The following CLASP1 variants were observed in gnomAD, a reference collection of about 807,000 sequenced individuals.
CLASP1 encodes the protein cytoplasmic linker associated protein 1, also known as CLIP-associating protein 1.
Under a neutral mutation model 192.3 loss-of-function variants are expected in CLASP1, and 38 were observed. That is an observed-to-expected ratio of 0.20 (90% CI 0.15 to 0.26). CLASP1 has a LOEUF of 0.26. Among genes scored for constraint, CLASP1 ranks in the 10% least tolerant of loss-of-function variants. The probability of loss-of-function intolerance (pLI) is 1.00; values close to 1 mark genes in which losing one functional copy is unlikely to be tolerated. For synonymous variants in CLASP1, 691 were observed against 712.8 expected, an observed-to-expected ratio of 0.97 and a Z score of 0.49; for missense variants, 1,433 against 1,932.5, an observed-to-expected ratio of 0.74 and a Z score of 4.85.
At chr2:121,340,918 C>T (rs747417346) in exon 40 of CLASP1, 7 of 1,610,196 alleles carry the variant, frequency 4.3e-6, no homozygotes, top group Non-Finnish European at 5.9e-6. Flanking sequence ...TGGTCTGGGC[C>T]CTCTTTATGT....
intron 6 of CLASP1, among the ~76,000 whole-genome samples, chr2:121,519,901 C>T (rs1453121732): frequency 6.6e-6 from 1 of 152,222 alleles, no homozygotes; most frequent in Non-Finnish European, 1.5e-5. Flanking sequence ...TTCACTTCTA[C>T]ACAGGCTCTC....
intron 25 of CLASP1, among the ~76,000 whole-genome samples, chr2:121,404,908 C>T (rs2076692265): frequency 6.6e-6 from 1 of 152,150 alleles, no homozygotes; most frequent in Non-Finnish European, 1.5e-5. Context: ...AAAAGCATGT[C>T]TATCCTGCAT....
intron 1 of CLASP1, among the ~76,000 whole-genome samples, chr2:121,618,999 C>T (rs1403370147): frequency 2.0e-5 from 3 of 152,162 alleles, no homozygotes; most frequent in African/African-American, 7.2e-5. Context: ...TCATTAAAAG[C>T]TGGAATTACT....
chr2:121,419,717 T>C (rs950826189), intron 22 of CLASP1, among the ~76,000 whole-genome samples: 2 of 151,610 alleles, frequency 1.3e-5, no homozygotes, highest in Non-Finnish European at 2.9e-5. Context: ...TCTGAGAAAA[T>C]GGAAATACAT....
intron 1 of CLASP1, among the ~76,000 whole-genome samples, chr2:121,640,421 A>G (rs1223063360): frequency 6.6e-6 from 1 of 152,226 alleles, no homozygotes; most frequent in Admixed American, 6.5e-5. Context: ...TTTTACTACA[A>G]TAAAACACTT....
At chr2:121,525,335 G>A (rs2094549992) in intron 6 of CLASP1, among the ~76,000 whole-genome samples, 1 of 152,112 alleles carries the variant, frequency 6.6e-6, no homozygotes, top group African/African-American at 2.4e-5. Flanking sequence ...TGTTAATTTA[G>A]GTAAAGTCTG....
At chr2:121,623,660 C>A (rs2067784943) in intron 1 of CLASP1, among the ~76,000 whole-genome samples, 1 of 152,140 alleles carries the variant, frequency 6.6e-6, no homozygotes, top group Non-Finnish European at 1.5e-5. Context: ...TCATCTGGAC[C>A]TAAGCTTTTT....
chr2:121,343,249 TG>T (rs1415836829), intron 39 of CLASP1, among the ~76,000 whole-genome samples: 1 of 152,146 alleles, frequency 6.6e-6, no homozygotes, highest in Admixed American at 6.5e-5. Flanking sequence ...TAACAAGTGT[TG>T]GTGAGGATGT....
intron 7 of CLASP1, among the ~76,000 whole-genome samples, chr2:121,510,891 G>C (rs569133190): frequency 1.3e-5 from 2 of 152,188 alleles, no homozygotes; most frequent in Admixed American, 6.5e-5. Context: ...AAAAGGCCTA[G>C]TCTCCAAGAA....
rs72969391 is a variant in CLASP1, at chr2:121,531,065, T to C, written c.196-740A>G. ...AAACAGCAGTAATTCGTAAATAAAC[T>C]AGTACTTTGTGGTTAAACCAGTAGA... On this transcript the variant is annotated intron_variant, in intron 2 of 39. Transcript: ENST00000263710. 0.045 allele frequency: 31,456 copies of C among 692,598 alleles called. 925 individuals are homozygous for C. The highest frequency in any genetic ancestry group is 0.12 in the East Asian group (4,412 of 37,094). 42.9% of individuals were successfully genotyped at this position (692,598 alleles called of 1,614,324 possible). A position where few individuals can be genotyped will look rare whatever the true frequency, so the allele number is the denominator to read the frequency against.
intron 2 of CLASP1, among the ~76,000 whole-genome samples, chr2:121,585,136 G>T (rs1253880224): frequency 1.3e-5 from 2 of 152,166 alleles, no homozygotes; most frequent in Non-Finnish European, 2.9e-5. Context: ...AGCTAGTGAC[G>T]GAAGGTCTAA....
At chr2:121,462,228 T>C (rs2088201341) in intron 10 of CLASP1, among the ~76,000 whole-genome samples, 1 of 151,450 alleles carries the variant, frequency 6.6e-6, no homozygotes, top group African/African-American at 2.4e-5. Flanking sequence ...AAAAAAAAAA[T>C]CCCTAAATAA....
chr2:121,630,822 T>C (rs1488239854), intron 1 of CLASP1, among the ~76,000 whole-genome samples: 2 of 141,750 alleles, frequency 1.4e-5, no homozygotes, highest in East Asian at 2.1e-4. Context: ...ATCTAGCCAT[T>C]GCACTCCAGC....
intron 37 of CLASP1, among the ~76,000 whole-genome samples, chr2:121,351,635 T>C (rs1207364310): frequency 6.6e-6 from 1 of 152,086 alleles, no homozygotes; most frequent in Non-Finnish European, 1.5e-5. Flanking sequence ...TGAAATAAGA[T>C]CACCACATCC....
At chr2:121,514,586 C>A (rs533969379) in intron 7 of CLASP1, among the ~76,000 whole-genome samples, 1 of 152,232 alleles carries the variant, frequency 6.6e-6, no homozygotes, top group South Asian at 2.1e-4. Flanking sequence ...TTATTCCCAT[C>A]TAATCATCCT....
At chr2:121,444,356 T>C (rs2083928055) in intron 19 of CLASP1, among the ~76,000 whole-genome samples, 4 of 152,246 alleles carry the variant, frequency 2.6e-5, no homozygotes, top group Admixed American at 2.0e-4. Context: ...AGTAAATGAA[T>C]GAATGGGGTG....
chr2:121,451,892 T>C lies in CLASP1; in HGVS notation c.1386-43A>G, dbSNP rs765756808. On this transcript the variant is annotated intron_variant, in intron 14 of 39. Coordinates refer to ENST00000263710, the Ensembl canonical transcript of CLASP1. Reference sequence around the variant, plus strand: ...ATACACAACTTATTAATACATATTTTAGTGAAAATGAAAACGGCATTTTTC... The same window carrying C: ...ATACACAACTTATTAATACATATTTCAGTGAAAATGAAAACGGCATTTTTC... 3.6e-6 allele frequency: 5 copies of C among 1,398,916 alleles called. No homozygotes were observed. In the Admixed American group the frequency reaches 8.1e-5, roughly 23 times the overall value. The allele number at this position is 1,398,916 out of a possible 1,614,324, so 86.7% of individuals were successfully genotyped here.
chr2:121,581,260 C>CTTTTTTTTTTTTTTTTTTTT lies in CLASP1; in HGVS notation c.195+24421_195+24440dup, dbSNP rs60345742. ...TCTGCCTCCCAAAAGGCCTTTTGTT[C>CTTTTTTTTTTTTTTTTTTTT]TTTTTTTTTTTTTTTTTTTTTTTTT... On this transcript the variant is annotated intron_variant, in intron 2 of 39. Transcript: ENST00000263710. Among the ~76,000 whole-genome samples, 26 of 57,668 alleles carry CTTTTTTTTTTTTTTTTTTTT rather than the reference C, an allele frequency of 4.5e-4. 2 individuals carry two copies. The highest frequency in any genetic ancestry group is 1.4e-3 in the African/African-American group (20 of 13,808). 37.8% of individuals were successfully genotyped at this position (57,668 alleles called of 152,430 possible). A position where few individuals can be genotyped will look rare whatever the true frequency, so the allele number is the denominator to read the frequency against.
At position 121,478,843 on chromosome 2, in the gene CLASP1, ACACACCACACAC is replaced by A. The variant is rs2092166056; in HGVS notation, c.713-8895_713-8884del. 3.6e-4 allele frequency among the ~76,000 whole-genome samples: 17 copies of A among 47,774 alleles called. No homozygotes were observed. In the South Asian group the frequency reaches 4.9e-3, roughly 14 times the overall value. The allele number at this position is 47,774 out of a possible 152,430, so 31.3% of individuals were successfully genotyped here. A position where few individuals can be genotyped will look rare whatever the true frequency, so the allele number is the denominator to read the frequency against. Reference sequence around the variant, plus strand: ...CACAACCACACACCACACACCACACACACACCACACACCACACCACACACACACCACACCACA... The same window carrying A: ...CACAACCACACACCACACACCACACACACACCACACACACACCACACCACA... On this transcript the variant is annotated intron_variant, in intron 8 of 39. Transcript: ENST00000263710.
Sources: allele counts gnomAD v4.1 joint callset (sites outside exome capture counted in the v4.1 genomes callset), GRCh38; gene constraint gnomAD v4.1.1; transcripts MANE v1.5; gene names NCBI Gene and HGNC (gene_info 2026-07-23, HGNC 2026-07-21).